The following ANO7 variants were observed in gnomAD, a reference collection of about 807,000 sequenced individuals.
ANO7 encodes the protein anoctamin 7, also known as anoctamin-7.
ANO7 carries 114 observed loss-of-function variants against 115.8 expected under a neutral mutation model. The ratio of observed to expected loss-of-function variants is 0.98; its 90% CI spans 0.85 to 1.15. ANO7 has a LOEUF of 1.15. ANO7 is among the 50% of genes most tolerant of loss of function. The probability of loss-of-function intolerance (pLI) is 0.00; values close to 1 mark genes in which losing one functional copy is unlikely to be tolerated. For synonymous variants in ANO7, 550 were observed against 498.2 expected (o/e 1.10, Z -1.38); for missense variants, 1,302 against 1,201.2 (o/e 1.08, Z -1.24).
chr2:241,203,505 C>A lies in ANO7; in HGVS notation c.889+7C>A, dbSNP rs372908296. 12 of 1,464,250 alleles carry A rather than the reference C, an allele frequency of 8.2e-6. 1 individual carries two copies. The highest frequency in any genetic ancestry group is 7.3e-5 in the African/African-American group (5 of 68,902). 90.7% of individuals were successfully genotyped at this position (1,464,250 alleles called of 1,614,324 possible). A position where few individuals can be genotyped will look rare whatever the true frequency, so the allele number is the denominator to read the frequency against. On this transcript the variant is annotated splice_region_variant and intron_variant, in intron 9 of 24. Transcript: ENST00000674324. The surrounding 1 kb of genome is among the most constrained non-coding windows in gnomAD (Gnocchi z 4.8). The stretch of plus-strand genomic sequence containing the variant: ...CTCTACTTCGCCTGGCTCGGTGAGT[C>A]CCCCCCGCTGCCCCCCAGACCACCT...
rs780268640 is a variant in ANO7 at position 241,209,567 on chromosome 2, G to A, written c.1291G>A (p.Glu431Lys). ...TAPNPITGEDEPYFPERSRAR... is the reference protein window; with the variant it reads ...TAPNPITGEDKPYFPERSRAR... ...CCCGAACCCCATCACGGGTGAGGACGAGCCCTACTTCCCTGAGAGGAGCCG... is the reference window on the plus strand; with the variant it reads ...CCCGAACCCCATCACGGGTGAGGACAAGCCCTACTTCCCTGAGAGGAGCCG... Residue 431 changes from glutamate to lysine, a missense_variant, in exon 13 of 25, where the codon GAG (glutamate) becomes AAG (lysine). Physicochemically the swap from Glu to Lys is moderately conservative, Grantham distance 56. Coordinates refer to ENST00000674324, the MANE Select transcript of ANO7 (RefSeq NM_001370694.2). 6.9e-5 allele frequency: 111 copies of A among 1,603,226 alleles called. No individual in the cohort carries two copies. Among genetic ancestry groups the A allele is most frequent in the East Asian group, 1.1e-4 (5 of 44,774 alleles).
rs577269884 is a variant in ANO7, at chr2:241,225,815, C to T, written c.*1662C>T. On this transcript the variant is annotated 3_prime_UTR_variant, in exon 25 of 25. Coordinates refer to ENST00000674324, the MANE Select transcript of ANO7 (RefSeq NM_001370694.2). ...CTGGACACCACCGGCCGGAGCATGG[C>T]GGACAGCACACACGGCCCGGGGCGG... Among the ~76,000 whole-genome samples the T allele has an allele frequency of 1.3e-5, 2 of 152,298 alleles. No homozygotes were observed. The highest frequency in any genetic ancestry group is 2.9e-5 in the Non-Finnish European group (2 of 68,014).
chr2:241,194,179 A>ATTTTTTT (rs59855055), intron 3 of ANO7, among the ~76,000 whole-genome samples: 12 of 123,978 alleles, frequency 9.7e-5, no homozygotes, highest in Admixed American at 5.6e-4. Flanking sequence ...CTGGCCTTTA[A>ATTTTTTT]TTTTTTTTTT....
At chr2:241,230,082 G>A (rs1371421940), downstream of ANO7, 7 of 1,588,740 alleles carry the variant, frequency 4.4e-6, no homozygotes, top group East Asian at 1.6e-4. The surrounding 1 kb of genome is among the most constrained non-coding windows in gnomAD (Gnocchi z 5.0). Context: ...GTCCCCTGAA[G>A]CTCCTGGCTG....
the ANO7 span, chr2:241,236,431 G>A: frequency 4.6e-5 from 29 of 631,150 alleles, 1 homozygote; most frequent in African/African-American, 2.9e-4. Context: ...GAAGGGAAGT[G>A]GCCTCCCCAA....
At position 241,200,213 on chromosome 2, in the gene ANO7, A is replaced by G; in HGVS notation, c.542A>G (p.Asn181Ser). Residue 181 changes from asparagine (N) to serine (S), a missense_variant, in exon 6 of 25, where the codon AAC becomes AGC. Coordinates refer to ENST00000674324, the MANE Select transcript of ANO7 (RefSeq NM_001370694.2). ...PEYYSCRFRV[N>S]KLPRFLGSDN... ...TACTACTCCTGCCGGTTCAGAGTGA[A>G]CAAGCTGCCACGGTAAGGCAGGGGC... 6.2e-7 allele frequency: 1 copy of G among 1,612,726 alleles called. No homozygotes were observed. The highest frequency in any genetic ancestry group is 8.5e-7 in the Non-Finnish European group (1 of 1,179,754).
chr2:241,209,542 C>T lies in ANO7; in HGVS notation c.1266C>T (p.Ala422=). 6.3e-7 allele frequency: 1 copy of T among 1,598,932 alleles called. No homozygotes were observed. Among genetic ancestry groups the T allele is most frequent in the Non-Finnish European group, 8.5e-7 (1 of 1,173,574 alleles). The change falls in exon 13 of 25, where the codon GCC becomes GCT. Residue 422 remains alanine, a synonymous_variant. Transcript: ENST00000674324. ...TTGCCGCCTCAGCCCCCATGACAGC[C>T]CCGAACCCCATCACGGGTGAGGACG... ...PQFAASAPMT[A]PNPITGEDEP... is the part of the protein sequence containing the mutation.
rs141174933 is a variant in ANO7 at position 241,188,786 on chromosome 2, G to C, written c.-8+20G>C. ...TGCCAGGTGGGGACCCAGCCTAGAC[G>C]TGTGGGCCACAGGGAGAAGGTGGAG... On this transcript the variant is annotated intron_variant, in intron 1 of 24. Coordinates refer to ENST00000674324, the MANE Select transcript of ANO7 (RefSeq NM_001370694.2). The surrounding 1 kb of genome is among the most constrained non-coding windows in gnomAD (Gnocchi z 4.3). The C allele has an allele frequency of 1.2e-6, 2 of 1,607,500 alleles. No individual in the cohort carries two copies. Among genetic ancestry groups the C allele is most frequent in the Non-Finnish European group, 1.7e-6 (2 of 1,176,280 alleles).
intron 13 of ANO7, among the ~76,000 whole-genome samples, 164 bp downstream of exon 13, chr2:241,209,799 G>A (rs1369425031): frequency 6.6e-6 from 1 of 152,154 alleles, no homozygotes; most frequent in Non-Finnish European, 1.5e-5. Context: ...CGGCCGTGGG[G>A]TCCCGGCTGA....
At chr2:241,229,784 G>GGGGGGCC, downstream of ANO7, 3 of 1,502,548 alleles carry the variant, frequency 2.0e-6, no homozygotes, top group Non-Finnish European at 1.8e-6. Flanking sequence ...AAGCCCGCCT[G>GGGGGGCC]CCCGCCCACC....
downstream of ANO7, among the ~76,000 whole-genome samples, chr2:241,226,950 G>A (rs989690013): frequency 2.0e-5 from 3 of 152,128 alleles, no homozygotes; most frequent in South Asian, 2.1e-4. Context: ...CTCACAGGCC[G>A]GGTCCAGGGT....
At chr2:241,201,433 A>G (rs552432492) in intron 7 of ANO7, 78 bp downstream of exon 7, 99 of 1,502,792 alleles carry the variant, frequency 6.6e-5, no homozygotes, top group Non-Finnish European at 8.4e-5. Context: ...GCCTCCATGG[A>G]TGCAGAAAGG....
At chr2:241,208,854 A>T (rs28585413) in intron 11 of ANO7, among the ~76,000 whole-genome samples, 16,148 of 152,132 alleles carry the variant, frequency 0.11, 1,641 homozygotes, top group African/African-American at 0.27. Context: ...TGTGCTTCCA[A>T]AACACAGTCA....
chr2:241,235,020 C>T, the ANO7 span: 16 of 1,415,302 alleles, frequency 1.1e-5, no homozygotes, highest in African/African-American at 2.8e-5. Context: ...AGCCAGATGT[C>T]GCTGGGATGC....
At position 241,200,297 on chromosome 2, in the gene ANO7, C is replaced by G. The variant is rs1240164663; in HGVS notation, c.554+72C>G. On this transcript the variant is annotated intron_variant, in intron 6 of 24. Transcript: ENST00000674324. ...GGAGTCGGTGAATGAGTGAGCGGAACTTGGTGCTTCCCCAGGACTCTCCTC... is the reference window on the plus strand; with the variant it reads ...GGAGTCGGTGAATGAGTGAGCGGAAGTTGGTGCTTCCCCAGGACTCTCCTC... 3 of 1,552,018 alleles carry G rather than the reference C, an allele frequency of 1.9e-6. No homozygotes were observed. The African/African-American group carries it at 4.1e-5, about 21-fold the overall frequency.
chr2:241,223,116 A>G, intron 21 of ANO7, 70 bp from the exon 22 acceptor site: 1 of 1,389,668 alleles, frequency 7.2e-7, no homozygotes, highest in South Asian at 1.2e-5. Flanking sequence ...GAGATAGGCT[A>G]ATTCCAGAGG....
the ANO7 span, chr2:241,240,249 C>A: frequency 3.5e-6 from 3 of 861,634 alleles, no homozygotes. The surrounding 1 kb of genome is among the most constrained non-coding windows in gnomAD (Gnocchi z 5.5). Context: ...CCTGATGTTG[C>A]ACCAATACCC....
chr2:241,233,572 A>G, the ANO7 span, among the ~76,000 whole-genome samples: 2 of 152,058 alleles, frequency 1.3e-5, no homozygotes, highest in Admixed American at 6.5e-5. This position sits in a 1 kb window ranked among gnomAD's most constrained non-coding sequence, Gnocchi z 4.3. Flanking sequence ...GCTCCTGCTC[A>G]TTTTCTGGAA....
Position 241,190,138 on chromosome 2 carries a change from G to C in ANO7, c.75G>C (p.Arg25Ser), listed in dbSNP as rs150023062. 303 of 1,573,580 alleles carry C rather than the reference G, an allele frequency of 1.9e-4. 2 individuals carry two copies. In the African/African-American group the frequency reaches 3.6e-3, roughly 19 times the overall value. Residue 25 changes from arginine (R) to serine (S), a missense_variant, in exon 2 of 25, where the codon AGG (arginine) becomes AGC (serine). Coordinates refer to ENST00000674324, the MANE Select transcript of ANO7 (RefSeq NM_001370694.2). ...TGAGCCCCCCTGAGGCAGAGAAGAG[G>C]GGCTCTTACGGGAGCACAGCCCACG... ...IDVSPPEAEK[R>S]GSYGSTAHAS...
Sources: allele counts gnomAD v4.1 joint callset (sites outside exome capture counted in the v4.1 genomes callset), GRCh38; gene constraint gnomAD v4.1.1; non-coding constraint Gnocchi (gnomAD v3.1); transcripts MANE v1.5; gene names NCBI Gene and HGNC (gene_info 2026-07-23, HGNC 2026-07-21).